The following MYT1L variants were observed in gnomAD, a reference collection of about 807,000 sequenced individuals.
The protein encoded by MYT1L is myelin transcription factor 1-like protein.
A neutral mutation model predicts 126.7 loss-of-function variants in MYT1L; 12 were observed. The ratio of observed to expected loss-of-function variants is 0.09; its 90% CI spans 0.06 to 0.15. The LOEUF (loss-of-function observed/expected upper bound fraction) is 0.15. Among genes scored for constraint, MYT1L ranks in the 10% least tolerant of loss-of-function variants. MYT1L has a pLI of 1.00. For missense variants in MYT1L, 979 were observed against 1,585.2 expected (o/e 0.62, Z 6.49); for synonymous variants, 541 against 604.2 (o/e 0.90, Z 1.53).
At chr2:1,859,955 G>C (rs929218695) in intron 18 of MYT1L, among the ~76,000 whole-genome samples, 1 of 152,226 alleles carries the variant, frequency 6.6e-6, no homozygotes, top group Non-Finnish European at 1.5e-5. Flanking sequence ...TGGCTGTTTG[G>C]GGAGCACCCA....
intron 2 of MYT1L, among the ~76,000 whole-genome samples, chr2:2,184,027 CAGAA>C (rs1234784534): frequency 5.8e-5 from 8 of 139,098 alleles, no homozygotes; most frequent in East Asian, 4.2e-4. Context: ...GAAAGAAAGA[CAGAA>C]AGAGAGAAAA....
intron 3 of MYT1L, among the ~76,000 whole-genome samples, chr2:2,068,063 C>T (rs888825875): frequency 6.6e-6 from 1 of 152,030 alleles, no homozygotes; most frequent in Admixed American, 6.6e-5. Context: ...GTTTAATTTC[C>T]TATCAAGATA....
chr2:2,095,724 T>A (rs368812154), intron 3 of MYT1L, among the ~76,000 whole-genome samples: 1 of 152,180 alleles, frequency 6.6e-6, no homozygotes, highest in East Asian at 1.9e-4. Flanking sequence ...CTCACCTGAA[T>A]AAATACATGA....
At chr2:1,956,225 C>CTATCTA (rs1437426575) in intron 8 of MYT1L, among the ~76,000 whole-genome samples, 1 of 133,238 alleles carries the variant, frequency 7.5e-6, no homozygotes, top group Non-Finnish European at 1.5e-5. Flanking sequence ...ATCTATCTAT[C>CTATCTA]TGTCTATCAT....
chr2:2,180,801 C>T (rs2091376504), intron 2 of MYT1L, among the ~76,000 whole-genome samples: 1 of 139,414 alleles, frequency 7.2e-6, no homozygotes, highest in African/African-American at 2.7e-5. Flanking sequence ...TGTGTGTGCA[C>T]CTGTATCCAT....
At chr2:2,195,257 CT>C (rs759777000) in intron 2 of MYT1L, among the ~76,000 whole-genome samples, 15 of 152,178 alleles carry the variant, frequency 9.9e-5, no homozygotes, top group Non-Finnish European at 2.2e-4. Flanking sequence ...GGGGCATAAG[CT>C]TAAGATTCAT....
chr2:2,077,859 C>T (rs953839224), intron 3 of MYT1L, among the ~76,000 whole-genome samples: 4 of 152,104 alleles, frequency 2.6e-5, no homozygotes, highest in South Asian at 2.1e-4. Flanking sequence ...CAAAACCACA[C>T]GAAAATACAG....
chr2:2,274,331 AAGGG>A (rs879531045), intron 2 of MYT1L, among the ~76,000 whole-genome samples: 25 of 142,506 alleles, frequency 1.8e-4, no homozygotes, highest in Admixed American at 2.8e-4. Flanking sequence ...GGAAGGAAGG[AAGGG>A]AGGGAGGGAG....
At chr2:1,850,301 G>C (rs2043101712) in intron 19 of MYT1L, among the ~76,000 whole-genome samples, 1 of 150,570 alleles carries the variant, frequency 6.6e-6, no homozygotes, top group East Asian at 2.0e-4. Flanking sequence ...GTTAAAAGCA[G>C]GAGGCCTCAT....
chr2:2,099,791 G>A (rs2077845774), intron 3 of MYT1L, among the ~76,000 whole-genome samples: 1 of 152,212 alleles, frequency 6.6e-6, no homozygotes, highest in Non-Finnish European at 1.5e-5. Flanking sequence ...CGCATTTTAA[G>A]GTATGAATTC....
intron 3 of MYT1L, among the ~76,000 whole-genome samples, chr2:2,079,316 G>A (rs1462810319): frequency 6.6e-6 from 1 of 152,110 alleles, no homozygotes; most frequent in Non-Finnish European, 1.5e-5. Flanking sequence ...TATACTAAAA[G>A]CTATATTATA....
At chr2:1,992,255 T>C (rs13389846) in intron 5 of MYT1L, among the ~76,000 whole-genome samples, 10,100 of 152,242 alleles carry the variant, frequency 0.066, 609 homozygotes, top group African/African-American at 0.17. Flanking sequence ...TATGAGGTGA[T>C]TGTTCTTCCC....
At chr2:1,869,998 T>C (rs975305361) in intron 18 of MYT1L, among the ~76,000 whole-genome samples, 1 of 152,098 alleles carries the variant, frequency 6.6e-6, no homozygotes, top group Admixed American at 6.5e-5. Flanking sequence ...ATTGACCATT[T>C]GTAAGGTTGA....
At chr2:2,287,901 C>T (rs2095546054) in intron 1 of MYT1L, among the ~76,000 whole-genome samples, 1 of 152,176 alleles carries the variant, frequency 6.6e-6, no homozygotes, top group Non-Finnish European at 1.5e-5. Flanking sequence ...TGGAATTTAA[C>T]CTACTGGAGA....
Position 2,293,977 on chromosome 2 carries a change from C to A in MYT1L, c.-520-9474G>T, listed in dbSNP as rs947254812. On this transcript the variant is annotated intron_variant, in intron 1 of 24. Coordinates refer to ENST00000647738, the MANE Select transcript of MYT1L (RefSeq NM_001303052.2). ...ACGGCCACCAGCACGGGGGGCAGGA[C>A]AGGGCCCCCCGCTTTCAGTGGAATT... 1.4e-4 allele frequency among the ~76,000 whole-genome samples: 21 copies of A among 152,254 alleles called. 1 individual carries two copies. The highest frequency in any genetic ancestry group is 4.8e-4 in the African/African-American group (20 of 41,560).
intron 18 of MYT1L, among the ~76,000 whole-genome samples, chr2:1,864,982 T>TGGCTTTTCCTGTCATCA (rs1348330228): frequency 1.8e-4 from 28 of 152,226 alleles, no homozygotes; most frequent in African/African-American, 6.8e-4. Flanking sequence ...ATTTAGGCTC[T>TGGCTTTTCCTGTCATCA]GGCTTTTCCT....
chr2:1,877,150 A>G (rs1389836470), intron 18 of MYT1L, among the ~76,000 whole-genome samples: 2 of 152,220 alleles, frequency 1.3e-5, no homozygotes, highest in East Asian at 3.9e-4. Flanking sequence ...TTGCAGCTGC[A>G]TAGGTGAGGA....
intron 2 of MYT1L, among the ~76,000 whole-genome samples, chr2:2,222,364 C>A (rs2093898968): frequency 1.3e-5 from 2 of 151,866 alleles, no homozygotes; most frequent in Non-Finnish European, 1.5e-5. Context: ...TGGTGGAGGG[C>A]ACCCGTGATC....
At chr2:2,042,542 T>C (rs563092953) in intron 4 of MYT1L, among the ~76,000 whole-genome samples, 2 of 152,360 alleles carry the variant, frequency 1.3e-5, no homozygotes, top group East Asian at 3.9e-4. Flanking sequence ...CTTGTTCTAA[T>C]ATATTACCTT....
Sources: gnomAD v4.1 joint callset for allele counts (sites outside exome capture counted in the v4.1 genomes callset) on GRCh38, gnomAD v4.1.1 for gene constraint, MANE v1.5 for transcripts, NCBI Gene and HGNC (gene_info 2026-07-23, HGNC 2026-07-21) for gene names.